USP42: variants seen among roughly 807,000 people sequenced by gnomAD.
USP42 encodes ubiquitin specific peptidase 42.
In USP42, 23 loss-of-function variants were observed where a neutral mutation model predicts 113.0. The ratio of observed to expected loss-of-function variants is 0.20; its 90% CI spans 0.15 to 0.29. The LOEUF (loss-of-function observed/expected upper bound fraction) is 0.29. USP42 is among the 10% of genes least tolerant of loss of function. The pLI is 1.00. For missense variants in USP42, 2,174 were observed against 1,779.8 expected (o/e 1.22, Z -3.99); for synonymous variants, 933 against 699.0 (o/e 1.33, Z -5.28).
upstream of USP42, among the ~76,000 whole-genome samples, chr7:6,101,627 A>C (rs1313999542): frequency 4.6e-5 from 7 of 151,002 alleles, no homozygotes; most frequent in African/African-American, 9.9e-5. Flanking sequence ...TAATGTTGCC[A>C]GTTTGCTAGA....
At position 6,161,516 on chromosome 7, in the gene USP42, A is replaced by T. The variant is rs1782792458; in HGVS notation, c.*998A>T. 1 of 152,604 alleles carries T rather than the reference A, an allele frequency of 6.6e-6. No homozygotes were observed. The highest frequency in any genetic ancestry group is 2.4e-5 in the African/African-American group (1 of 41,426). 9.5% of individuals were successfully genotyped at this position (152,604 alleles called of 1,614,324 possible). ...TAAAAAAGCACTTGCCCCACTGTAA[A>T]TATACAGCATGTAAAATTTCTATAG... On this transcript the variant is annotated 3_prime_UTR_variant, in exon 18 of 18. Transcript: ENST00000306177.
the USP42 span, chr7:6,093,113 G>A: frequency 6.7e-6 from 1 of 150,020 alleles, no homozygotes. Flanking sequence ...TAAACGGAAG[G>A]TACTCTTTCT....
At position 6,135,798 on chromosome 7, in the gene USP42, G is replaced by C. The variant is rs764338630; in HGVS notation, c.443-43G>C. 3.9e-6 allele frequency: 5 copies of C among 1,269,550 alleles called. No homozygotes were observed. The Admixed American group carries it at 6.7e-5, about 17-fold the overall frequency. 78.6% of individuals were successfully genotyped at this position (1,269,550 alleles called of 1,614,324 possible). On this transcript the variant is annotated intron_variant, in intron 3 of 17. Coordinates refer to ENST00000306177, the MANE Select transcript of USP42 (RefSeq NM_032172.3). ...GTAATTAGCCTTGATGTGTGTATATGGTTGTATTTTGCTAATTTGGAGGAT... is the reference window on the plus strand; with the variant it reads ...GTAATTAGCCTTGATGTGTGTATATCGTTGTATTTTGCTAATTTGGAGGAT...
intron 3 of USP42, among the ~76,000 whole-genome samples, chr7:6,123,475 A>C (rs2128488488): frequency 6.6e-6 from 1 of 152,222 alleles, no homozygotes; most frequent in African/African-American, 2.4e-5. Flanking sequence ...CATCCTGGCT[A>C]ACACGGTGAA....
At chr7:6,088,886 G>C in the USP42 span, 1 of 150,844 alleles carries the variant, frequency 6.6e-6, no homozygotes, top group African/African-American at 2.5e-5. Flanking sequence ...CGGGAACCAA[G>C]ATTGGAAGGA....
intron 1 of USP42, among the ~76,000 whole-genome samples, chr7:6,107,417 T>C (rs188296250): frequency 2.5e-4 from 37 of 150,692 alleles, no homozygotes; most frequent in African/African-American, 8.7e-4. Context: ...TTCTTTTTTT[T>C]TTTTTTTTTG....
chr7:6,115,198 A>G, intron 2 of USP42, 125 bp from the exon 3 acceptor site: 3 of 892,118 alleles, frequency 3.4e-6, no homozygotes, highest in Non-Finnish European at 5.2e-6. Flanking sequence ...TTCCCCCTGT[A>G]TTTCAGGTAG....
Position 6,157,505 on chromosome 7 carries a change from C to G in USP42, c.3943+450C>G, listed in dbSNP as rs1782524774. On this transcript the variant is annotated intron_variant, in intron 16 of 17. Transcript: ENST00000306177. This position sits in a 1 kb window ranked among gnomAD's most constrained non-coding sequence, Gnocchi z 4.1. ...CTCTGCCTCCCAGGTTCATGCTGTT[C>G]TCCTGCCTCAGCCTCCTGAGTAGCC... is the stretch of plus-strand genomic sequence containing the variant. The G allele has an allele frequency of 3.1e-5, 18 of 580,742 alleles. No individual in the cohort carries two copies. The highest frequency in any genetic ancestry group is 3.9e-5 in the Non-Finnish European group (18 of 460,240). The allele number at this position is 580,742 out of a possible 1,614,324, so 36.0% of individuals were successfully genotyped here.
At chr7:6,109,331 G>A (rs1047798240) in intron 1 of USP42, among the ~76,000 whole-genome samples, 1 of 152,152 alleles carries the variant, frequency 6.6e-6, no homozygotes, top group Admixed American at 6.5e-5. Context: ...GTGAAGTCCA[G>A]ACATTAAGAT....
chr7:6,135,651 C>CAAAAAAAAAAAAAAA (rs1173165919), intron 3 of USP42, among the ~76,000 whole-genome samples, 190 bp from the exon 4 acceptor site: 6 of 16,156 alleles, frequency 3.7e-4, no homozygotes, highest in East Asian at 1.1e-3. Context: ...GACTCCATCT[C>CAAAAAAAAAAAAAAA]AAAAAAAAAA....
At chr7:6,106,668 A>T (rs1226420589) in intron 1 of USP42, among the ~76,000 whole-genome samples, 2 of 152,054 alleles carry the variant, frequency 1.3e-5, no homozygotes, top group Non-Finnish European at 2.9e-5. Flanking sequence ...GAGCTCCAGC[A>T]GTCCTCCCAC....
the USP42 span, among the ~76,000 whole-genome samples, chr7:6,094,294 CT>C: frequency 6.6e-6 from 1 of 151,224 alleles, no homozygotes; most frequent in South Asian, 2.1e-4. Flanking sequence ...CCACCTCAGC[CT>C]CCTTAGTAGC....
Position 6,154,872 on chromosome 7 carries a change from C to G in USP42, c.3318C>G (p.Ala1106=). 1 of 1,528,308 alleles carries G rather than the reference C, an allele frequency of 6.5e-7. No homozygotes were observed. Among genetic ancestry groups the G allele is most frequent in the Non-Finnish European group, 8.8e-7 (1 of 1,136,168 alleles). The allele number at this position is 1,528,308 out of a possible 1,614,324, so 94.7% of individuals were successfully genotyped here. A position where few individuals can be genotyped will look rare whatever the true frequency, so the allele number is the denominator to read the frequency against. Residue 1106 remains alanine, a synonymous_variant, in exon 15 of 18, where the codon GCC becomes GCG. Coordinates refer to ENST00000306177, the MANE Select transcript of USP42 (RefSeq NM_032172.3). ...GGGGCCGTAGGGGCTGCGAGCCGGC[C>G]CGGGAGAGGGAGCGGCACCGCCCCA... is the stretch of plus-strand genomic sequence containing the variant. ...HNRGRRGCEP[A]RERERHRPSS... is the part of the protein sequence containing the mutation.
At chr7:6,132,846 G>C (rs747905300) in intron 3 of USP42, among the ~76,000 whole-genome samples, 1 of 152,066 alleles carries the variant, frequency 6.6e-6, no homozygotes, top group Non-Finnish European at 1.5e-5. Context: ...TAATTTTTTT[G>C]TATTTTTAGT....
chr7:6,083,390 G>C, the USP42 span, among the ~76,000 whole-genome samples: 2 of 150,154 alleles, frequency 1.3e-5, 1 homozygote, highest in African/African-American at 5.0e-5. Flanking sequence ...CAAGTAGCTG[G>C]AATTACAGGC....
the USP42 span, among the ~76,000 whole-genome samples, chr7:6,094,272 C>T: frequency 2.6e-5 from 4 of 151,162 alleles, no homozygotes; most frequent in South Asian, 8.3e-4. Context: ...CTCCTGGGCT[C>T]AAGCGATCCT....
At position 6,154,384 on chromosome 7, in the gene USP42, A is replaced by T. The variant is rs765419192; in HGVS notation, c.2830A>T (p.Ser944Cys). Residue 944 changes from serine to cysteine, a missense_variant, in exon 15 of 18, where the codon AGC (serine) becomes TGC (cysteine). Coordinates refer to ENST00000306177, the MANE Select transcript of USP42 (RefSeq NM_032172.3). Reference protein sequence around the residue: ...GPSPAKEKIGSLRKVDRGHYR... With the variant: ...GPSPAKEKIGCLRKVDRGHYR... ...TTCCCCAGCGAAGGAGAAAATCGGCAGCCTCAGAAAGGTGGACCGAGGCCA... is the reference window on the plus strand; with the variant it reads ...TTCCCCAGCGAAGGAGAAAATCGGCTGCCTCAGAAAGGTGGACCGAGGCCA... 27 of 1,576,242 alleles carry T rather than the reference A, an allele frequency of 1.7e-5. No individual in the cohort carries two copies. The highest frequency in any genetic ancestry group is 2.7e-5 in the African/African-American group (2 of 73,906).
At chr7:6,127,074 A>G (rs953261280) in intron 3 of USP42, among the ~76,000 whole-genome samples, 5 of 152,126 alleles carry the variant, frequency 3.3e-5, no homozygotes, top group Non-Finnish European at 4.4e-5. Context: ...GCATTTCCCT[A>G]ATGCTTAAAG....
Position 6,154,261 on chromosome 7 carries a change from G to T in USP42, c.2707G>T (p.Val903Leu). ...PEAAERPPAPVLDMAPAGHPE... is the reference protein window; with the variant it reads ...PEAAERPPAPLLDMAPAGHPE... ...GGCCGCAGAGCGGCCGCCAGCTCCT[G>T]TGCTGGACATGGCCCCGGCCGGTCA... The change falls in exon 15 of 18, where the codon GTG (valine) becomes TTG (leucine). Residue 903 changes from valine to leucine, a missense_variant. By Grantham distance (32) the Val-to-Leu change is conservative. Coordinates refer to ENST00000306177, the MANE Select transcript of USP42 (RefSeq NM_032172.3). The T allele has an allele frequency of 2.5e-6, 4 of 1,604,114 alleles. No individual in the cohort carries two copies. Among genetic ancestry groups the T allele is most frequent in the Non-Finnish European group, 3.4e-6 (4 of 1,176,652 alleles).
Sources: gnomAD v4.1 joint callset for allele counts (sites outside exome capture counted in the v4.1 genomes callset) on GRCh38, gnomAD v4.1.1 for gene constraint, Gnocchi (gnomAD v3.1) non-coding constraint, MANE v1.5 for transcripts, NCBI Gene and HGNC (gene_info 2026-07-23, HGNC 2026-07-21) for gene names.